Variants in ATP6V1B1 observed in about 807,000 individuals in gnomAD.
ATP6V1B1 encodes the protein V-type proton ATPase subunit B, kidney isoform.
A neutral mutation model predicts 62.1 loss-of-function variants in ATP6V1B1; 41 were observed. The observed-to-expected ratio is 0.66, with a 90% CI of 0.51 to 0.86. The LOEUF (loss-of-function observed/expected upper bound fraction) is 0.86, where lower values mean the gene tolerates loss of function less well. Among genes scored for constraint, ATP6V1B1 ranks in the 40% least tolerant of loss-of-function variants. The pLI is 0.00. For missense variants in ATP6V1B1, 651 were observed against 697.5 expected, an observed-to-expected ratio of 0.93 and a Z score of 0.75; for synonymous variants, 253 against 273.4, an observed-to-expected ratio of 0.93 and a Z score of 0.74.
intron 2 of ATP6V1B1, 26 bp from the exon 3 acceptor site, chr2:70,958,020 A>G: frequency 1.2e-6 from 2 of 1,604,424 alleles, no homozygotes; most frequent in South Asian, 1.1e-5. Flanking sequence ...TCTCACTGTC[A>G]CGTGGCTGCT....
chr2:70,958,717 C>T (rs1195326507), intron 4 of ATP6V1B1, among the ~76,000 whole-genome samples: 1 of 152,212 alleles, frequency 6.6e-6, no homozygotes, highest in African/African-American at 2.4e-5. Context: ...CCTTGAATAT[C>T]CCCTAATTCT....
rs138963692 is a variant in ATP6V1B1 at position 70,940,523 on chromosome 2, A to T, written c.119-3135A>T. ...TGCACAATCCACTAGCAATCCAGAC[A>T]ATCTGATCCAAACACCATGTGGGTG... is the stretch of plus-strand genomic sequence containing the variant. On this transcript the variant is annotated intron_variant, in intron 1 of 13. Coordinates refer to ENST00000234396, the MANE Select transcript of ATP6V1B1 (RefSeq NM_001692.4). 250 of 985,194 alleles carry T rather than the reference A, an allele frequency of 2.5e-4. 1 individual carries two copies. The African/African-American group carries it at 3.8e-3, about 15-fold the overall frequency. 61.0% of individuals were successfully genotyped at this position (985,194 alleles called of 1,614,324 possible).
intron 1 of ATP6V1B1, chr2:70,938,908 A>G (rs1679919542): frequency 1.7e-6 from 1 of 586,720 alleles, no homozygotes; most frequent in Non-Finnish European, 2.1e-6. Flanking sequence ...GTGCCAAACC[A>G]CTGTCTTTGC....
In ATP6V1B1 at chr2:70,942,299, A is replaced by G. The variant is rs148426980; in HGVS notation, c.119-1359A>G. ...GCTGAGGGAGATCCCCTGCTCTGGC[A>G]AAGTGCAAGTTGAACTTATCTTCTC... On this transcript the variant is annotated intron_variant, in intron 1 of 13. Transcript: ENST00000234396. The G allele has an allele frequency of 5.0e-3, 2,006 of 398,960 alleles. 12 individuals are homozygous for G. The highest frequency in any genetic ancestry group is 6.8e-3 in the Non-Finnish European group (1,534 of 226,332). 24.7% of individuals were successfully genotyped at this position (398,960 alleles called of 1,614,324 possible).
chr2:70,942,924 G>A lies in ATP6V1B1; in HGVS notation c.119-734G>A, dbSNP rs1179426311. 2.6e-5 allele frequency among the ~76,000 whole-genome samples: 4 copies of A among 152,212 alleles called. No homozygotes were observed. The South Asian group carries it at 8.3e-4, about 32-fold the overall frequency. On this transcript the variant is annotated intron_variant, in intron 1 of 13. Transcript: ENST00000234396. ...AGAACCAAAACTAGGCTTGCCTCCC[G>A]CAAGTCCACAGCTTCTTCTATGGGA...
Position 70,963,270 on chromosome 2 carries a change from GGATCCATCACACA to G in ATP6V1B1, c.1024_1036del (p.Ile342ProfsTer17). 6.2e-7 allele frequency: 1 copy of G among 1,613,658 alleles called. No individual in the cohort carries two copies. The highest frequency in any genetic ancestry group is 8.5e-7 in the Non-Finnish European group (1 of 1,180,000). ...GGCGGGCCGCGTGGAGGGTCGGGGA[GGATCCATCACACA>G]GATCCCCATCCTCACCATGCCCAAC... is the stretch of plus-strand genomic sequence containing the variant. On this transcript the variant is annotated frameshift_variant, in exon 10 of 14. Transcript: ENST00000234396. LOFTEE classifies it high-confidence loss of function. This position sits in a 1 kb window ranked among gnomAD's most constrained non-coding sequence, Gnocchi z 4.3.
rs1680637800 is a variant in ATP6V1B1, at chr2:70,963,389, G to A, written c.1060+77G>A. ...CCAACCAGATACTTAAAGGGCCCAC[G>A]TTGCTTTGCACAGATGTGCAGCAGC... On this transcript the variant is annotated intron_variant, in intron 10 of 13. Transcript: ENST00000234396. The surrounding 1 kb of genome is among the most constrained non-coding windows in gnomAD (Gnocchi z 4.3). The A allele has an allele frequency of 2.3e-5, 37 of 1,606,684 alleles. No homozygotes were observed. The highest frequency in any genetic ancestry group is 4.4e-5 in the South Asian group (4 of 90,828).
chr2:70,965,214 G>A lies in ATP6V1B1; in HGVS notation c.*93G>A. 1.3e-6 allele frequency: 2 copies of A among 1,543,520 alleles called. No individual in the cohort carries two copies. Among genetic ancestry groups the A allele is most frequent in the Non-Finnish European group, 1.8e-6 (2 of 1,141,452 alleles). On this transcript the variant is annotated 3_prime_UTR_variant, in exon 14 of 14. Coordinates refer to ENST00000234396, the MANE Select transcript of ATP6V1B1 (RefSeq NM_001692.4). ...CGCCACCCCAACCAGCGGCTTCTGC[G>A]CCGCCCTCCGCCCTCCGCTGGCTCC... is the stretch of plus-strand genomic sequence containing the variant.
rs782474773 is a variant in ATP6V1B1 at position 70,965,088 on chromosome 2, G to A, written c.1509G>A (p.Ala503=). ...ACGAGTTCTATTCCCGCGAGGGGGC[G>A]CTGCAGGACCTCGCGCCTGACACTG... is the stretch of plus-strand genomic sequence containing the variant. ...VIDEFYSREG[A]LQDLAPDTAL Residue 503 remains alanine, a synonymous_variant, in exon 14 of 14, where the codon GCG becomes GCA. Coordinates refer to ENST00000234396, the MANE Select transcript of ATP6V1B1 (RefSeq NM_001692.4). The A allele has an allele frequency of 1.2e-6, 2 of 1,612,504 alleles. No homozygotes were observed. The highest frequency in any genetic ancestry group is 8.5e-7 in the Non-Finnish European group (1 of 1,180,018).
Position 70,937,100 on chromosome 2 carries a change from CAT to C in ATP6V1B1, c.118+1029_118+1030del, listed in dbSNP as rs1553415548. Among the ~76,000 whole-genome samples the C allele has an allele frequency of 6.9e-5, 7 of 101,526 alleles. No individual in the cohort carries two copies. The East Asian group carries it at 2.2e-3, about 32-fold the overall frequency. The allele number at this position is 101,526 out of a possible 152,430, so 66.6% of individuals were successfully genotyped here. On this transcript the variant is annotated intron_variant, in intron 1 of 13. Coordinates refer to ENST00000234396, the MANE Select transcript of ATP6V1B1 (RefSeq NM_001692.4). The stretch of plus-strand genomic sequence containing the variant: ...CCAGAGGCTCACTGGAGTAAACCAG[CAT>C]GGCCCGCCACAGCTATGCAGAGCCA...
At chr2:70,940,906 TC>T (rs1558668591) in intron 1 of ATP6V1B1, 7 of 882,930 alleles carry the variant, frequency 7.9e-6, no homozygotes, top group African/African-American at 2.7e-5. Flanking sequence ...TTTTTCTTTT[TC>T]TTTTTCTTTT....
chr2:70,964,627 C>T, intron 12 of ATP6V1B1, 85 bp downstream of exon 12: 1 of 1,611,404 alleles, frequency 6.2e-7, no homozygotes, highest in Admixed American at 1.7e-5. Flanking sequence ...ACAAGCTTTT[C>T]TCCTGGCAAA....
intron 1 of ATP6V1B1, chr2:70,941,885 A>T: frequency 1.0e-6 from 1 of 986,926 alleles, no homozygotes; most frequent in Non-Finnish European, 1.2e-6. Context: ...CAGTGCACCC[A>T]GGCTCTGAGT....
At chr2:70,957,897 C>A in intron 2 of ATP6V1B1, 149 bp from the exon 3 acceptor site, 1 of 774,950 alleles carries the variant, frequency 1.3e-6, no homozygotes. Context: ...TTCAAACTTT[C>A]ACTTCCCAGC....
chr2:70,958,941 G>T, intron 4 of ATP6V1B1, 77 bp from the exon 5 acceptor site: 10 of 1,412,678 alleles, frequency 7.1e-6, no homozygotes, highest in Non-Finnish European at 9.9e-6. Context: ...GGAGCTGGTG[G>T]TGGTGTGGAG....
At chr2:70,954,738 C>T (rs1680396033) in intron 2 of ATP6V1B1, among the ~76,000 whole-genome samples, 1 of 152,106 alleles carries the variant, frequency 6.6e-6, no homozygotes, top group Non-Finnish European at 1.5e-5. Context: ...TCACCTCAGC[C>T]TCCCAAAGTG....
intron 2 of ATP6V1B1, chr2:70,957,756 C>T (rs1011868292): frequency 4.6e-6 from 2 of 436,842 alleles, no homozygotes; most frequent in East Asian, 9.9e-5. Flanking sequence ...TTACTTATGA[C>T]TTACGTATTT....
In ATP6V1B1 at chr2:70,943,811, T is replaced by C. The variant is rs573045259; in HGVS notation, c.174+98T>C. 1.5e-5 allele frequency: 22 copies of C among 1,507,160 alleles called. No homozygotes were observed. In the African/African-American group the frequency reaches 2.7e-4, roughly 19 times the overall value. The allele number at this position is 1,507,160 out of a possible 1,614,324, so 93.4% of individuals were successfully genotyped here. On this transcript the variant is annotated intron_variant, in intron 2 of 13. Coordinates refer to ENST00000234396, the MANE Select transcript of ATP6V1B1 (RefSeq NM_001692.4). ...TCTTCTAAATTACCCTTTCCCTCCA[T>C]GGCCCCCAGGGCCTGCTCTGTTCTC...
In ATP6V1B1 at chr2:70,963,673, C is replaced by A; in HGVS notation, c.1143+19C>A. On this transcript the variant is annotated intron_variant, in intron 11 of 13. Transcript: ENST00000234396. The surrounding 1 kb of genome is among the most constrained non-coding windows in gnomAD (Gnocchi z 4.3). The stretch of plus-strand genomic sequence containing the variant: ...CAGACAGGTACTGCCCTGTCCCTAC[C>A]CACTTCCTGCTCTCAGCCCAGAGAA... 1 of 1,606,540 alleles carries A rather than the reference C, an allele frequency of 6.2e-7. No homozygotes were observed. Among genetic ancestry groups the A allele is most frequent in the South Asian group, 1.1e-5 (1 of 90,910 alleles).
Sources: allele counts gnomAD v4.1 joint callset (sites outside exome capture counted in the v4.1 genomes callset), GRCh38; gene constraint gnomAD v4.1.1; non-coding constraint Gnocchi (gnomAD v3.1); transcripts MANE v1.5; gene names NCBI Gene and HGNC (gene_info 2026-07-23, HGNC 2026-07-21).